The following MAP10 variants were observed in gnomAD, a reference collection of about 807,000 sequenced individuals.
MAP10 encodes microtubule associated protein 10.
In MAP10, 10 loss-of-function variants were observed where a neutral mutation model predicts 6.3. The ratio of observed to expected loss-of-function variants is 1.58; its 90% confidence interval spans 0.98 to 2.69. MAP10 has a LOEUF of 2.69. Ranked by LOEUF, MAP10 falls within the 30% of genes most tolerant of loss-of-function variation. The pLI, the probability that MAP10 is intolerant of heterozygous loss-of-function variation, is 0.00. For missense variants in MAP10, 1,189 were observed against 1,086.5 expected, an observed-to-expected ratio of 1.09 and a Z score of -1.33; for synonymous variants, 459 against 429.3, an observed-to-expected ratio of 1.07 and a Z score of -0.86.
chr1:232,805,824 G>T lies in MAP10; in HGVS notation c.375G>T (p.Pro125=), dbSNP rs1666089399. 19 of 1,590,350 alleles carry T rather than the reference G, an allele frequency of 1.2e-5. No individual in the cohort carries two copies. The highest frequency in any genetic ancestry group is 1.6e-5 in the Non-Finnish European group (19 of 1,168,838). ...TLLLQLPPGR[P]TPTPQLLGAC... is the part of the protein sequence containing the mutation. The stretch of plus-strand genomic sequence containing the variant: ...TGCTGCAGCTGCCCCCTGGGCGCCC[G>T]ACGCCCACCCCACAGCTCCTGGGGG... Residue 125 remains proline (P), a synonymous_variant, in exon 1 of 1, where the codon CCG becomes CCT. Transcript: ENST00000418460.
Position 232,809,248 on chromosome 1 carries a change from T to C in MAP10, c.*1081T>C, listed in dbSNP as rs1181835664. Among the ~76,000 whole-genome samples the C allele has an allele frequency of 1.3e-5, 2 of 152,104 alleles. No homozygotes were observed. The highest frequency in any genetic ancestry group is 2.9e-5 in the Non-Finnish European group (2 of 67,950). On this transcript the variant is annotated 3_prime_UTR_variant, in exon 1 of 1. Coordinates refer to ENST00000418460, the MANE Select transcript of MAP10 (RefSeq NM_019090.3). ...TCAAATATTTACATATATTTTCTTC[T>C]AGCTGTGTTATACTTTAATTTTTAG...
Position 232,808,160 on chromosome 1 carries a change from C to T in MAP10, c.2711C>T (p.Thr904Ile), listed in dbSNP as rs1357993969. Residue 904 changes from threonine to isoleucine, a missense_variant, in exon 1 of 1, where the codon ACA (threonine) becomes ATA (isoleucine). Physicochemically the swap from Thr to Ile is moderately conservative, Grantham distance 89. Transcript: ENST00000418460. ...GTAATAAATAAACTTCCAGGATACA[C>T]AATGTAAAAATACATGCTTTTAAAA... ...ELVINKLPGY[T>I]M The T allele has an allele frequency of 6.4e-7, 1 of 1,553,590 alleles. No homozygotes were observed. Among genetic ancestry groups the T allele is most frequent in the Non-Finnish European group, 8.7e-7 (1 of 1,145,982 alleles).
rs188174412 is a variant in MAP10 at position 232,805,455 on chromosome 1, G to T, written c.6G>T (p.Ala2=). ...CGTTTCCTGGGGCAACAGCAATGGCGGCCTCGCTGTCCGAGCGGCTCTTCT... is the reference window on the plus strand; with the variant it reads ...CGTTTCCTGGGGCAACAGCAATGGCTGCCTCGCTGTCCGAGCGGCTCTTCT... M[A]ASLSERLFSL... The change falls in exon 1 of 1, where the codon GCG becomes GCT. Residue 2 remains alanine, a synonymous_variant. Transcript: ENST00000418460. 4 of 1,607,730 alleles carry T rather than the reference G, an allele frequency of 2.5e-6. No individual in the cohort carries two copies. The highest frequency in any genetic ancestry group is 1.3e-5 in the African/African-American group (1 of 74,978).
rs1332917369 is a variant in MAP10, at chr1:232,806,136, G to A, written c.687G>A (p.Glu229=). ...CAGCCTCACAGCCAAGCCCAAAAGAGGCTGATAAGCCGCTGGGGGAGTTAG... is the reference window on the plus strand; with the variant it reads ...CAGCCTCACAGCCAAGCCCAAAAGAAGCTGATAAGCCGCTGGGGGAGTTAG... ...QQPASQPSPK[E]ADKPLGELEI... The change falls in exon 1 of 1, where the codon GAG becomes GAA. Residue 229 remains glutamate, a synonymous_variant. Coordinates refer to ENST00000418460, the MANE Select transcript of MAP10 (RefSeq NM_019090.3). 2 of 1,614,028 alleles carry A rather than the reference G, an allele frequency of 1.2e-6. No homozygotes were observed. The highest frequency in any genetic ancestry group is 2.2e-5 in the South Asian group (2 of 91,088).
At position 232,809,287 on chromosome 1, in the gene MAP10, T is replaced by G. The variant is rs1666160800; in HGVS notation, c.*1120T>G. 6.6e-6 allele frequency among the ~76,000 whole-genome samples: 1 copy of G among 152,074 alleles called. No individual in the cohort carries two copies. Among genetic ancestry groups the G allele is most frequent in the African/African-American group, 2.4e-5 (1 of 41,444 alleles). On this transcript the variant is annotated 3_prime_UTR_variant, in exon 1 of 1. Transcript: ENST00000418460. ...TTTAATTTTTAGACTTTTTAATATATCTAACGTTTTTGAATGTATGAAGTG... is the reference window on the plus strand; with the variant it reads ...TTTAATTTTTAGACTTTTTAATATAGCTAACGTTTTTGAATGTATGAAGTG...
Position 232,807,827 on chromosome 1 carries a change from G to A in MAP10, c.2378G>A (p.Ser793Asn). Residue 793 changes from serine (S) to asparagine (N), a missense_variant, in exon 1 of 1, where the codon AGT becomes AAT. Ser to Asn is a conservative substitution (Grantham distance 46). Transcript: ENST00000418460. The part of the protein sequence containing the change: ...TQDKSLEEAS[S>N]ISASDLSSTH... The stretch of plus-strand genomic sequence containing the variant: ...GATAAAAGTTTGGAGGAAGCATCTA[G>A]TATCTCTGCTAGTGATTTATCTTCA... 6.2e-7 allele frequency: 1 copy of A among 1,613,482 alleles called. No individual in the cohort carries two copies. The highest frequency in any genetic ancestry group is 8.5e-7 in the Non-Finnish European group (1 of 1,179,692).
In MAP10 at chr1:232,806,155, G is replaced by A; in HGVS notation, c.706G>A (p.Glu236Lys). The A allele has an allele frequency of 6.2e-7, 1 of 1,614,022 alleles. No individual in the cohort carries two copies. The highest frequency in any genetic ancestry group is 2.2e-5 in the East Asian group (1 of 44,884). ...SPKEADKPLG[E>K]LEIPEAQKDL... The stretch of plus-strand genomic sequence containing the variant: ...AAAAGAGGCTGATAAGCCGCTGGGG[G>A]AGTTAGAAATCCCAGAGGCACAGAA... The change falls in exon 1 of 1, where the codon GAG becomes AAG. Residue 236 changes from glutamate to lysine, a missense_variant. Coordinates refer to ENST00000418460, the MANE Select transcript of MAP10 (RefSeq NM_019090.3).
rs748888455 is a variant in MAP10 at position 232,806,944 on chromosome 1, T to C, written c.1495T>C (p.Leu499=). Residue 499 remains leucine (L), a synonymous_variant, in exon 1 of 1, where the codon TTA becomes CTA. Coordinates refer to ENST00000418460, the MANE Select transcript of MAP10 (RefSeq NM_019090.3). The stretch of plus-strand genomic sequence containing the variant: ...TCCAAAAGGGAGGCTACTTTATGGC[T>C]TAACAAATACACTAAGACTACGTTT... ...RVPKGRLLYG[L]TNTLRLRLKL... is the part of the protein sequence containing the mutation. The C allele has an allele frequency of 6.2e-7, 1 of 1,610,088 alleles. No individual in the cohort carries two copies. Among genetic ancestry groups the C allele is most frequent in the African/African-American group, 1.3e-5 (1 of 74,632 alleles).
Position 232,805,680 on chromosome 1 carries a change from T to A in MAP10, c.231T>A (p.Ala77=). 6.2e-7 allele frequency: 1 copy of A among 1,601,460 alleles called. No individual in the cohort carries two copies. The highest frequency in any genetic ancestry group is 1.1e-5 in the South Asian group (1 of 90,306). The change falls in exon 1 of 1, where the codon GCT becomes GCA. Residue 77 remains alanine, a synonymous_variant. Coordinates refer to ENST00000418460, the MANE Select transcript of MAP10 (RefSeq NM_019090.3). ...TTTACCCTCCTGACGGCCCCGGCGCTCCCGCCGCCGAACCGTGGCCCGGTG... is the reference window on the plus strand; with the variant it reads ...TTTACCCTCCTGACGGCCCCGGCGCACCCGCCGCCGAACCGTGGCCCGGTG... ...LLVYPPDGPG[A]PAAEPWPGVI...
chr1:232,808,308 G>C lies in MAP10; in HGVS notation c.*141G>C. On this transcript the variant is annotated 3_prime_UTR_variant, in exon 1 of 1. Coordinates refer to ENST00000418460, the MANE Select transcript of MAP10 (RefSeq NM_019090.3). ...ACGTTATTCCTTTGATGTTTAAATG[G>C]TATTTTACCATTAAATCTGATAATA... 1 of 521,666 alleles carries C rather than the reference G, an allele frequency of 1.9e-6. No individual in the cohort carries two copies. 32.3% of individuals were successfully genotyped at this position (521,666 alleles called of 1,614,324 possible).
chr1:232,806,425 C>G lies in MAP10; in HGVS notation c.976C>G (p.Gln326Glu), dbSNP rs753741442. 29 of 1,613,860 alleles carry G rather than the reference C, an allele frequency of 1.8e-5. No individual in the cohort carries two copies. The highest frequency in any genetic ancestry group is 2.2e-5 in the Non-Finnish European group (26 of 1,179,878). ...ACAGGCTAAAATCACCATTGAGCCT[C>G]AAATGAATGCACCTGAGGAAATGGA... ...PAQAKITIEP[Q>E]MNAPEEMDDA... Residue 326 changes from glutamine to glutamate, a missense_variant, in exon 1 of 1, where the codon CAA becomes GAA. Transcript: ENST00000418460.
At position 232,808,105 on chromosome 1, in the gene MAP10, T is replaced by C. The variant is rs2102965017; in HGVS notation, c.2656T>C (p.Ser886Pro). Residue 886 changes from serine to proline, a missense_variant, in exon 1 of 1, where the codon TCC becomes CCC. Transcript: ENST00000418460. ...GNDDVGSLNI[S>P]KQCKDICELV... The stretch of plus-strand genomic sequence containing the variant: ...TGATGATGTTGGTTCACTAAATATT[T>C]CCAAGCAATGCAAAGATATTTGTGA... 1.3e-6 allele frequency: 2 copies of C among 1,593,004 alleles called. No individual in the cohort carries two copies. Among genetic ancestry groups the C allele is most frequent in the East Asian group, 2.3e-5 (1 of 44,348 alleles).
At position 232,806,984 on chromosome 1, in the gene MAP10, C is replaced by T. The variant is rs369621526; in HGVS notation, c.1535C>T (p.Pro512Leu). 1.2e-6 allele frequency: 2 copies of T among 1,612,886 alleles called. No individual in the cohort carries two copies. The highest frequency in any genetic ancestry group is 3.3e-5 in the Admixed American group (2 of 59,872). ...AGACTACGTTTAAAGCTGACAAATC[C>T]TGATATGTTGGTGGTACATGAAAAA... ...TLRLRLKLTNPDMLVVHEKRE... is the reference protein window; with the variant it reads ...TLRLRLKLTNLDMLVVHEKRE... The change falls in exon 1 of 1, where the codon CCT becomes CTT. Residue 512 changes from proline (P) to leucine (L), a missense_variant. Physicochemically the swap from Pro to Leu is moderately conservative, Grantham distance 98. Transcript: ENST00000418460.
rs1666145016 is a variant in MAP10 at position 232,808,471 on chromosome 1, A to G, written c.*304A>G. The G allele has an allele frequency of 5.0e-6, 1 of 200,982 alleles. No homozygotes were observed. Among genetic ancestry groups the G allele is most frequent in the African/African-American group, 2.4e-5 (1 of 42,130 alleles). 12.4% of individuals were successfully genotyped at this position (200,982 alleles called of 1,614,324 possible). ...TTCTAAAGCTGACTTCATGCACACCACTGAAAAAGAAGGCTAGTTAGTAAG... is the reference window on the plus strand; with the variant it reads ...TTCTAAAGCTGACTTCATGCACACCGCTGAAAAAGAAGGCTAGTTAGTAAG... On this transcript the variant is annotated 3_prime_UTR_variant, in exon 1 of 1. Coordinates refer to ENST00000418460, the MANE Select transcript of MAP10 (RefSeq NM_019090.3).
chr1:232,807,054 A>G lies in MAP10; in HGVS notation c.1605A>G (p.Lys535=), dbSNP rs552772605. The G allele has an allele frequency of 6.2e-7, 1 of 1,612,964 alleles. No homozygotes were observed. The highest frequency in any genetic ancestry group is 1.1e-5 in the South Asian group (1 of 90,738). Residue 535 remains lysine (K), a synonymous_variant, in exon 1 of 1, where the codon AAA becomes AAG. Transcript: ENST00000418460. ...RKRQSQMLGT[K]FRIPSSKVKL... ...GACAATCACAAATGTTGGGTACAAA[A>G]TTCAGAATTCCGTCATCCAAAGTTA...
Position 232,806,368 on chromosome 1 carries a change from A to G in MAP10, c.919A>G (p.Thr307Ala). Residue 307 changes from threonine (T) to alanine (A), a missense_variant, in exon 1 of 1, where the codon ACT becomes GCT. Transcript: ENST00000418460. The stretch of plus-strand genomic sequence containing the variant: ...ATTTTGCCCTCCTCCTTTGTATTAC[A>G]CTAACTTGACCCAAGAAAAACCGCC... ...NIFCPPPLYYTNLTQEKPPPA... is the reference protein window; with the variant it reads ...NIFCPPPLYYANLTQEKPPPA... 3 of 1,613,864 alleles carry G rather than the reference A, an allele frequency of 1.9e-6. No homozygotes were observed. The highest frequency in any genetic ancestry group is 2.5e-6 in the Non-Finnish European group (3 of 1,179,870).
In MAP10 at chr1:232,806,531, A is replaced by G. The variant is rs773806746; in HGVS notation, c.1082A>G (p.Glu361Gly). The G allele has an allele frequency of 3.1e-6, 5 of 1,613,970 alleles. No homozygotes were observed. The South Asian group carries it at 4.4e-5, about 14-fold the overall frequency. ...CLKHPSSAAH[E>G]HPPMLVNPPH... ...AAGCATCCAAGTTCTGCAGCACACG[A>G]ACATCCTCCAATGCTTGTAAATCCT... The change falls in exon 1 of 1, where the codon GAA becomes GGA. Residue 361 changes from glutamate (E) to glycine (G), a missense_variant. Transcript: ENST00000418460.
In MAP10 at chr1:232,806,772, C is replaced by G. The variant is rs1293194091; in HGVS notation, c.1323C>G (p.Ser441=). 6.2e-7 allele frequency: 1 copy of G among 1,613,596 alleles called. No individual in the cohort carries two copies. The highest frequency in any genetic ancestry group is 1.3e-5 in the African/African-American group (1 of 74,894). Residue 441 remains serine, a synonymous_variant, in exon 1 of 1, where the codon TCC becomes TCG. Transcript: ENST00000418460. The part of the protein sequence containing the change: ...DKKSPESSAK[S]TCRSEAKKDK... ...AGTCACCCGAATCTTCTGCCAAATC[C>G]ACATGCCGGTCTGAAGCCAAGAAGG...
rs1418943325 is a variant in MAP10 at position 232,808,682 on chromosome 1, T to A, written c.*515T>A. Among the ~76,000 whole-genome samples, 1 of 152,160 alleles carries A rather than the reference T, an allele frequency of 6.6e-6. No homozygotes were observed. Reference sequence around the variant, plus strand: ...CCATATCCCCAATAGGTGAAGTTGCTTTTATATGCTCTCATAGTGCCCTGC... The same window carrying A: ...CCATATCCCCAATAGGTGAAGTTGCATTTATATGCTCTCATAGTGCCCTGC... On this transcript the variant is annotated 3_prime_UTR_variant, in exon 1 of 1. Transcript: ENST00000418460.
Sources: allele counts gnomAD v4.1 joint callset (sites outside exome capture counted in the v4.1 genomes callset), GRCh38; gene constraint gnomAD v4.1.1; transcripts MANE v1.5; gene names NCBI Gene and HGNC (gene_info 2026-07-23, HGNC 2026-07-21).